The following SYN2 variants were observed in gnomAD, a reference collection of about 807,000 sequenced individuals.
SYN2 encodes synapsin II.
A neutral mutation model predicts 50.9 loss-of-function variants in SYN2; 19 were observed. The observed-to-expected ratio is 0.37, with a 90% CI of 0.26 to 0.55. The LOEUF (loss-of-function observed/expected upper bound fraction) is 0.55. Ranked by LOEUF, SYN2 falls within the 20% of genes least tolerant of loss-of-function variation. The pLI is 0.81. For synonymous variants in SYN2, 255 were observed against 224.9 expected, an observed-to-expected ratio of 1.13 and a Z score of -1.20; for missense variants, 587 against 576.4, an observed-to-expected ratio of 1.02 and a Z score of -0.19.
chr3:12,033,695 A>G (rs540996561), intron 1 of SYN2, among the ~76,000 whole-genome samples: 18 of 152,214 alleles, frequency 1.2e-4, no homozygotes, highest in Non-Finnish European at 2.6e-4. Flanking sequence ...GCCCCAGGCA[A>G]CCACTAATTT....
chr3:12,140,453 A>G (rs1208205654), intron 1 of SYN2, among the ~76,000 whole-genome samples, 198 bp from the exon 2 acceptor site: 2 of 152,210 alleles, frequency 1.3e-5, no homozygotes, highest in Non-Finnish European at 2.9e-5. Context: ...ATTATTTTAT[A>G]GATGGGTAAA....
At chr3:12,144,175 C>T (rs141013898) in intron 3 of SYN2, among the ~76,000 whole-genome samples, 3 of 152,282 alleles carry the variant, frequency 2.0e-5, no homozygotes, top group African/African-American at 7.2e-5. Flanking sequence ...TCTGGAATAG[C>T]GGTGGCTAGA....
chr3:12,007,818 A>G (rs1011613790), intron 1 of SYN2, among the ~76,000 whole-genome samples: 4 of 152,240 alleles, frequency 2.6e-5, no homozygotes, highest in Non-Finnish European at 5.9e-5. Context: ...ATTGTGGGCA[A>G]TTGGAGACCC....
At chr3:12,017,656 G>A (rs1655583642) in intron 1 of SYN2, among the ~76,000 whole-genome samples, 1 of 152,140 alleles carries the variant, frequency 6.6e-6, no homozygotes, top group African/African-American at 2.4e-5. Flanking sequence ...CTAACAATAT[G>A]ATTGACACTT....
At chr3:12,020,483 C>G (rs1225149559) in intron 1 of SYN2, among the ~76,000 whole-genome samples, 1 of 151,940 alleles carries the variant, frequency 6.6e-6, no homozygotes, top group African/African-American at 2.4e-5. Flanking sequence ...CCCTCTGACT[C>G]GGGATACCCC....
At chr3:12,176,028 G>C (rs1050934888) in intron 10 of SYN2, among the ~76,000 whole-genome samples, 2 of 152,190 alleles carry the variant, frequency 1.3e-5, no homozygotes, top group Non-Finnish European at 2.9e-5. Context: ...GACTGTTCTC[G>C]AGGTGGCAGT....
chr3:12,040,246 A>G (rs1694582182), intron 1 of SYN2, among the ~76,000 whole-genome samples: 1 of 152,134 alleles, frequency 6.6e-6, no homozygotes, highest in Admixed American at 6.6e-5. Context: ...GCAGACAGAA[A>G]GGGCAGTGAA....
At chr3:12,014,956 A>T (rs1693997419) in intron 1 of SYN2, among the ~76,000 whole-genome samples, 2 of 152,248 alleles carry the variant, frequency 1.3e-5, no homozygotes, top group African/African-American at 2.4e-5. Flanking sequence ...GAACCAAAAC[A>T]TCATTGTGAT....
chr3:12,068,713 TC>T (rs1342343821), intron 1 of SYN2, among the ~76,000 whole-genome samples: 11 of 152,226 alleles, frequency 7.2e-5, no homozygotes, highest in African/African-American at 2.4e-4. Flanking sequence ...TAGGAAGATT[TC>T]CTTGACTTTT....
At chr3:12,184,648 TTG>T in intron 11 of SYN2, 2 of 985,928 alleles carry the variant, frequency 2.0e-6, no homozygotes, top group South Asian at 9.4e-5. Flanking sequence ...CAGATTTAGC[TTG>T]TGTGTGTTTT....
At chr3:12,140,521 A>G in intron 1 of SYN2, 130 bp from the exon 2 acceptor site, 1 of 696,636 alleles carries the variant, frequency 1.4e-6, no homozygotes, top group South Asian at 1.6e-5. Context: ...CAGAATGTGG[A>G]TCAGAACCCA....
chr3:12,131,403 A>G (rs1696794833), intron 1 of SYN2, among the ~76,000 whole-genome samples: 1 of 152,222 alleles, frequency 6.6e-6, no homozygotes. Flanking sequence ...TCAAGATGCT[A>G]GGAGCCTTAC....
In SYN2 at chr3:12,190,895, C is replaced by A; in HGVS notation, c.*270C>A. ...AGAGCTTCCTTCTGAAGTCATCGTT[C>A]GCTGTGAGTTTAGTGGCCTTATTGT... On this transcript the variant is annotated 3_prime_UTR_variant, in exon 13 of 13. Transcript: ENST00000621198. 1 of 1,197,490 alleles carries A rather than the reference C, an allele frequency of 8.4e-7. No individual in the cohort carries two copies. The highest frequency in any genetic ancestry group is 1.0e-6 in the Non-Finnish European group (1 of 964,202). The allele number at this position is 1,197,490 out of a possible 1,614,324, so 74.2% of individuals were successfully genotyped here.
chr3:12,088,838 C>A (rs568341997), intron 1 of SYN2, among the ~76,000 whole-genome samples: 1 of 151,934 alleles, frequency 6.6e-6, no homozygotes, highest in African/African-American at 2.4e-5. Context: ...AAAGTTGAAC[C>A]CATAGAAGGA....
chr3:12,076,314 T>A (rs1472708821), intron 1 of SYN2, among the ~76,000 whole-genome samples: 1 of 152,068 alleles, frequency 6.6e-6, no homozygotes, highest in Non-Finnish European at 1.5e-5. Flanking sequence ...CTTGTCCCTG[T>A]GAGCCATGAA....
At chr3:12,037,340 G>A (rs1164155140) in intron 1 of SYN2, among the ~76,000 whole-genome samples, 1 of 152,084 alleles carries the variant, frequency 6.6e-6, no homozygotes, top group Non-Finnish European at 1.5e-5. Flanking sequence ...ACATTTTCAG[G>A]TATTTGTTAT....
At chr3:12,180,859 G>T (rs1477893080) in intron 10 of SYN2, among the ~76,000 whole-genome samples, 1 of 152,192 alleles carries the variant, frequency 6.6e-6, no homozygotes, top group East Asian at 1.9e-4. Flanking sequence ...AGCCTACATG[G>T]TGTGATCACC....
rs1435389040 is a variant in SYN2, at chr3:12,169,921, A to G, written c.1308+15A>G. On this transcript the variant is annotated intron_variant, in intron 10 of 12. Transcript: ENST00000621198. ...AGCAGCCACAGGTAAGCAGCTAGGA[A>G]GAGACATAGCAGAGCCAAGAACCAT... 2 of 1,596,530 alleles carry G rather than the reference A, an allele frequency of 1.3e-6. No homozygotes were observed. The highest frequency in any genetic ancestry group is 1.7e-6 in the Non-Finnish European group (2 of 1,171,448).
At chr3:12,116,505 C>G (rs1696436401) in intron 1 of SYN2, among the ~76,000 whole-genome samples, 1 of 152,106 alleles carries the variant, frequency 6.6e-6, no homozygotes, top group African/African-American at 2.4e-5. Context: ...TCAGAGTGGC[C>G]AGAATATCCA....
Sources: allele counts gnomAD v4.1 joint callset (sites outside exome capture counted in the v4.1 genomes callset), GRCh38; gene constraint gnomAD v4.1.1; transcripts MANE v1.5; gene names NCBI Gene and HGNC (gene_info 2026-07-23, HGNC 2026-07-21).